The following RIMBP2 variants were observed in gnomAD, a reference collection of about 807,000 sequenced individuals.
RIMBP2 encodes the protein RIMS-binding protein 2.
RIMBP2 carries 48 observed loss-of-function variants against 118.6 expected under a neutral mutation model. The ratio of observed to expected loss-of-function variants is 0.40; its 90% CI spans 0.32 to 0.51. RIMBP2 has a LOEUF of 0.51. Among genes scored for constraint, RIMBP2 ranks in the 20% least tolerant of loss-of-function variants. The pLI, the probability that RIMBP2 is intolerant of heterozygous loss-of-function variation, is 0.41. For synonymous variants in RIMBP2, 762 were observed against 742.9 expected, an observed-to-expected ratio of 1.03 and a Z score of -0.42; for missense variants, 1,551 against 1,768.3, an observed-to-expected ratio of 0.88 and a Z score of 2.20.
At chr12:130,480,748 C>T (rs1048387442) in intron 4 of RIMBP2, among the ~76,000 whole-genome samples, 2 of 152,066 alleles carry the variant, frequency 1.3e-5, no homozygotes, top group Non-Finnish European at 2.9e-5. Flanking sequence ...TTACAGGTGC[C>T]CACCACCATG....
chr12:130,406,897 TC>T (rs35951991), intron 20 of RIMBP2, among the ~76,000 whole-genome samples: 58,668 of 152,074 alleles, frequency 0.39, 12,293 homozygotes, highest in East Asian at 0.52. Flanking sequence ...TCTGCCCACC[TC>T]CCAAAGTGCT....
At chr12:130,480,663 G>A (rs145246989) in intron 4 of RIMBP2, among the ~76,000 whole-genome samples, 7,640 of 152,046 alleles carry the variant, frequency 0.05, 266 homozygotes, top group Middle Eastern at 0.085. Context: ...TACAGTGGCA[G>A]GATCTTGGCT....
At chr12:130,552,713 T>A (rs2055924915) in intron 2 of RIMBP2, among the ~76,000 whole-genome samples, 1 of 152,184 alleles carries the variant, frequency 6.6e-6, no homozygotes, top group South Asian at 2.1e-4. Flanking sequence ...ATCATGTTAG[T>A]CTTTTGTCTG....
At chr12:130,439,553 G>A (rs111065096) in intron 11 of RIMBP2, among the ~76,000 whole-genome samples, 56,187 of 133,742 alleles carry the variant, frequency 0.42, 13,131 homozygotes, top group East Asian at 0.73. Context: ...GTGTCGGTGG[G>A]GGTGTCCATG....
intron 2 of RIMBP2, among the ~76,000 whole-genome samples, chr12:130,624,071 C>T (rs746874811): frequency 2.0e-5 from 3 of 152,206 alleles, no homozygotes; most frequent in Non-Finnish European, 4.4e-5. Flanking sequence ...GGCTGAGACA[C>T]TCAGTATAGC....
chr12:130,407,532 C>T (rs920179085), intron 20 of RIMBP2, among the ~76,000 whole-genome samples, 194 bp downstream of exon 20: 4 of 152,190 alleles, frequency 2.6e-5, no homozygotes, highest in African/African-American at 9.6e-5. Context: ...CTGGCCATGT[C>T]CCTGGGAATC....
At chr12:130,684,539 T>A (rs2064954630) in intron 1 of RIMBP2, among the ~76,000 whole-genome samples, 1 of 152,218 alleles carries the variant, frequency 6.6e-6, no homozygotes, top group Admixed American at 6.5e-5. Context: ...TGAGCTGCAT[T>A]TTTAGGAGGT....
chr12:130,522,689 C>T (rs999572202), intron 2 of RIMBP2, among the ~76,000 whole-genome samples: 10 of 152,142 alleles, frequency 6.6e-5, no homozygotes, highest in African/African-American at 2.4e-4. Flanking sequence ...CCCAGGGAGG[C>T]ACGGACTTCC....
At chr12:130,604,795 G>A (rs1455739253) in intron 2 of RIMBP2, among the ~76,000 whole-genome samples, 4 of 131,948 alleles carry the variant, frequency 3.0e-5, no homozygotes, top group Admixed American at 8.2e-5. Context: ...TGTTAGCCAG[G>A]ATGGTCTTGA....
chr12:130,656,803 GGAGGCTGAGGTGGCAGGATGGTTT>G (rs368394528), intron 1 of RIMBP2, among the ~76,000 whole-genome samples: 2,211 of 152,246 alleles, frequency 0.015, 46 homozygotes, highest in African/African-American at 0.051. Context: ...CAGCTACTTG[GGAGGCTGAGGTGGCAGGATGGTTT>G]GAGCCTGGGG....
intron 2 of RIMBP2, among the ~76,000 whole-genome samples, chr12:130,555,505 C>T (rs546392209): frequency 1.9e-4 from 29 of 152,250 alleles, no homozygotes; most frequent in Non-Finnish European, 3.4e-4. Flanking sequence ...GAACACACAG[C>T]ATGGCTCATT....
intron 11 of RIMBP2, among the ~76,000 whole-genome samples, chr12:130,440,964 C>T (rs1024004619): frequency 2.0e-5 from 3 of 152,140 alleles, no homozygotes; most frequent in Admixed American, 6.5e-5. Context: ...AAGAAAGTGT[C>T]CACACTCACC....
At chr12:130,630,245 C>T (rs1013431662) in intron 1 of RIMBP2, among the ~76,000 whole-genome samples, 2 of 151,630 alleles carry the variant, frequency 1.3e-5, no homozygotes, top group Non-Finnish European at 2.9e-5. Context: ...ATAATAACAA[C>T]AATCAGCTGA....
In RIMBP2 at chr12:130,634,246, G is replaced by A. The variant is rs1024602324; in HGVS notation, c.-351-5790C>T. Reference sequence around the variant, plus strand: ...TATCCTTGGGAGCGGAGACGGGGAGGCGGGTAATGCCACCTGTTCTCTTGA... The same window carrying A: ...TATCCTTGGGAGCGGAGACGGGGAGACGGGTAATGCCACCTGTTCTCTTGA... On this transcript the variant is annotated intron_variant, in intron 1 of 22. Coordinates refer to ENST00000690449, the MANE Select transcript of RIMBP2 (RefSeq NM_001393629.1). Among the ~76,000 whole-genome samples, 8 of 152,312 alleles carry A rather than the reference G, an allele frequency of 5.3e-5. 1 individual carries two copies. The highest frequency in any genetic ancestry group is 3.3e-4 in the Admixed American group (5 of 15,294).
At chr12:130,460,524 T>C (rs1286546833) in intron 6 of RIMBP2, among the ~76,000 whole-genome samples, 1 of 152,130 alleles carries the variant, frequency 6.6e-6, no homozygotes, top group Non-Finnish European at 1.5e-5. Flanking sequence ...GTGCTGTTGG[T>C]ATTAGTATTA....
chr12:130,677,056 T>C (rs2064524934), intron 1 of RIMBP2, among the ~76,000 whole-genome samples: 1 of 152,080 alleles, frequency 6.6e-6, no homozygotes, highest in Admixed American at 6.6e-5. Context: ...GATTAGGGGT[T>C]TTCAATCAGG....
intron 3 of RIMBP2, among the ~76,000 whole-genome samples, chr12:130,509,372 G>A (rs2050676486): frequency 6.6e-6 from 1 of 152,194 alleles, no homozygotes; most frequent in Non-Finnish European, 1.5e-5. Flanking sequence ...ATCACAGCTT[G>A]CAGCTGCAGG....
chr12:130,473,049 A>C (rs764111761), intron 5 of RIMBP2, among the ~76,000 whole-genome samples: 12 of 152,248 alleles, frequency 7.9e-5, no homozygotes, highest in African/African-American at 2.4e-5. Flanking sequence ...ATAGTTTTCA[A>C]CTGGCAGGAT....
chr12:130,645,333 C>G (rs1367095727), intron 1 of RIMBP2, among the ~76,000 whole-genome samples: 1 of 152,186 alleles, frequency 6.6e-6, no homozygotes, highest in South Asian at 2.1e-4. Flanking sequence ...CTTTTACCAG[C>G]ACACCGCTCC....
Sources: allele counts gnomAD v4.1 joint callset (sites outside exome capture counted in the v4.1 genomes callset), GRCh38; gene constraint gnomAD v4.1.1; transcripts MANE v1.5; gene names NCBI Gene and HGNC (gene_info 2026-07-23, HGNC 2026-07-21).